The following FAM117A variants were observed in gnomAD, a reference collection of about 807,000 sequenced individuals.
FAM117A encodes the protein protein FAM117A.
Under a neutral mutation model 44.1 loss-of-function variants are expected in FAM117A, and 21 were observed. The ratio of observed to expected loss-of-function variants is 0.48; its 90% CI spans 0.34 to 0.69. The LOEUF (loss-of-function observed/expected upper bound fraction) is 0.69. Ranked by LOEUF, FAM117A falls within the 30% of genes least tolerant of loss-of-function variation. FAM117A has a pLI of 0.01. For synonymous variants in FAM117A, 220 were observed against 238.3 expected (o/e 0.92, Z 0.71); for missense variants, 498 against 589.9 (o/e 0.84, Z 1.61).
At chr17:49,759,737 G>C (rs779280271) in intron 1 of FAM117A, among the ~76,000 whole-genome samples, 7 of 152,158 alleles carry the variant, frequency 4.6e-5, no homozygotes, top group Admixed American at 2.0e-4. Context: ...TCAAAGCATT[G>C]CAAAGAAAGG....
chr17:49,728,818 GT>G (rs2073571848), intron 2 of FAM117A, among the ~76,000 whole-genome samples: 1 of 152,208 alleles, frequency 6.6e-6, no homozygotes, highest in African/African-American at 2.4e-5. Context: ...CATCTCTCCC[GT>G]TGCTCAAAAC....
At chr17:49,722,620 C>T (rs1199165243) in intron 2 of FAM117A, 26 bp from the exon 3 acceptor site, 3 of 1,599,054 alleles carry the variant, frequency 1.9e-6, no homozygotes, top group Non-Finnish European at 2.6e-6. Flanking sequence ...CACAGTGAGA[C>T]ACAGCAGCTT....
At chr17:49,719,648 G>T in intron 5 of FAM117A, 112 bp downstream of exon 5, 1 of 1,303,136 alleles carries the variant, frequency 7.7e-7, no homozygotes, top group Non-Finnish European at 1.0e-6. Context: ...GTATGCTGCT[G>T]TTTGCGTAGC....
At chr17:49,760,481 C>G (rs1300352958) in intron 1 of FAM117A, among the ~76,000 whole-genome samples, 1 of 152,012 alleles carries the variant, frequency 6.6e-6, no homozygotes, top group East Asian at 1.9e-4. Context: ...GTGGCTGGTT[C>G]CAATAAAACT....
At chr17:49,715,317 T>C (rs2073497244) in intron 7 of FAM117A, among the ~76,000 whole-genome samples, 1 of 152,222 alleles carries the variant, frequency 6.6e-6, no homozygotes, top group African/African-American at 2.4e-5. Flanking sequence ...GCTCCCTTAT[T>C]TGAGATACAA....
chr17:49,757,579 G>A (rs1212543365), intron 1 of FAM117A, among the ~76,000 whole-genome samples: 5 of 152,150 alleles, frequency 3.3e-5, no homozygotes, highest in African/African-American at 1.2e-4. Flanking sequence ...CAGCTGTTAC[G>A]AGAACCTCCC....
chr17:49,715,491 G>A (rs893894332), intron 7 of FAM117A, among the ~76,000 whole-genome samples: 7 of 152,268 alleles, frequency 4.6e-5, no homozygotes, highest in Middle Eastern at 3.4e-3. Context: ...GCCTGCTAAC[G>A]GGGACAGGGG....
In FAM117A at chr17:49,720,342, A is replaced by C. The variant is rs2073527748; in HGVS notation, c.557T>G (p.Val186Gly). 2 of 1,613,672 alleles carry C rather than the reference A, an allele frequency of 1.2e-6. No individual in the cohort carries two copies. The highest frequency in any genetic ancestry group is 1.7e-6 in the Non-Finnish European group (2 of 1,179,838). Residue 186 changes from valine to glycine, a missense_variant, in exon 4 of 8, where the codon GTG becomes GGG. Physicochemically the swap from Val to Gly is moderately radical, Grantham distance 109. This residue lies in a region of FAM117A where 270 missense variants were observed against 277.4 expected (regional missense o/e 0.97). Coordinates refer to ENST00000240364, the MANE Select transcript of FAM117A (RefSeq NM_030802.4). The part of the protein sequence containing the change: ...RGSPLLGDHA[V>G]RGALRASPPS... ...AAAACATACCCTCAGTGCTCCCCGCACTGCGTGGTCCCCTAGGAGTGGTGA... is the reference window on the plus strand; with the variant it reads ...AAAACATACCCTCAGTGCTCCCCGCCCTGCGTGGTCCCCTAGGAGTGGTGA...
chr17:49,769,481 G>A (rs890988413), intron 1 of FAM117A, among the ~76,000 whole-genome samples: 5 of 151,802 alleles, frequency 3.3e-5, no homozygotes, highest in African/African-American at 1.2e-4. Flanking sequence ...GGTGGATCAC[G>A]AGGTCAGGAG....
intron 7 of FAM117A, among the ~76,000 whole-genome samples, chr17:49,714,701 C>T (rs139478247): frequency 0.013 from 1,872 of 146,128 alleles, 38 homozygotes; most frequent in African/African-American, 0.046. Flanking sequence ...GGCTGGAGTG[C>T]GGTGGCGTGA....
chr17:49,750,537 G>A (rs1269026948), intron 1 of FAM117A, among the ~76,000 whole-genome samples: 3 of 152,114 alleles, frequency 2.0e-5, no homozygotes, highest in Non-Finnish European at 4.4e-5. Flanking sequence ...CACTTTGGGA[G>A]GCCAAGGCAG....
At chr17:49,725,121 T>C (rs1258771134) in intron 2 of FAM117A, among the ~76,000 whole-genome samples, 1 of 152,120 alleles carries the variant, frequency 6.6e-6, no homozygotes, top group Non-Finnish European at 1.5e-5. Context: ...CCCTCTCCTT[T>C]TTCTTACCTT....
intron 2 of FAM117A, among the ~76,000 whole-genome samples, chr17:49,729,560 G>A (rs2073575900): frequency 6.9e-6 from 1 of 144,012 alleles, no homozygotes; most frequent in African/African-American, 2.6e-5. Flanking sequence ...AGGCTGGAGT[G>A]CAGTGGCATG....
At chr17:49,761,821 G>A (rs1567836516) in intron 1 of FAM117A, among the ~76,000 whole-genome samples, 1 of 152,136 alleles carries the variant, frequency 6.6e-6, no homozygotes, top group Non-Finnish European at 1.5e-5. Context: ...CTAATGCCTG[G>A]CCACTTTCTT....
At chr17:49,771,086 T>C (rs2073759745) in intron 1 of FAM117A, among the ~76,000 whole-genome samples, 2 of 151,170 alleles carry the variant, frequency 1.3e-5, no homozygotes, top group Middle Eastern at 3.2e-3. Context: ...CAGGTGCCTG[T>C]AATCCCAGCT....
At chr17:49,788,807 C>G (rs1327382817), upstream of FAM117A, 2 of 1,577,280 alleles carry the variant, frequency 1.3e-6, no homozygotes, top group Admixed American at 1.8e-5. Flanking sequence ...CTGCCCGAAT[C>G]GGAACCGTCG....
intron 1 of FAM117A, among the ~76,000 whole-genome samples, chr17:49,777,806 AT>A (rs1257148963): frequency 6.6e-6 from 1 of 152,044 alleles, no homozygotes; most frequent in Admixed American, 6.5e-5. Flanking sequence ...AGATGCAGCC[AT>A]TTTTACTTCT....
chr17:49,721,380 T>G (rs2073533348), intron 3 of FAM117A, among the ~76,000 whole-genome samples: 3 of 151,838 alleles, frequency 2.0e-5, no homozygotes, highest in South Asian at 2.1e-4. Flanking sequence ...GCCATAAGAT[T>G]TATGACTAGA....
chr17:49,751,705 A>G (rs1334725461), intron 1 of FAM117A, among the ~76,000 whole-genome samples: 1 of 152,046 alleles, frequency 6.6e-6, no homozygotes, highest in Non-Finnish European at 1.5e-5. Context: ...GCACTTGGGG[A>G]GGCTGAGGTG....
Sources: allele counts gnomAD v4.1 joint callset (sites outside exome capture counted in the v4.1 genomes callset), GRCh38; gene constraint gnomAD v4.1.1; regional missense constraint gnomAD v4.1.1; transcripts MANE v1.5; gene names NCBI Gene and HGNC (gene_info 2026-07-23, HGNC 2026-07-21).